The following KIAA1549 variants were observed in gnomAD, a reference collection of about 807,000 sequenced individuals.
KIAA1549 encodes UPF0606 protein KIAA1549.
A neutral mutation model predicts 156.4 loss-of-function variants in KIAA1549; 70 were observed. The observed-to-expected ratio is 0.45, with a 90% confidence interval of 0.37 to 0.55. The LOEUF is 0.55. Among genes scored for constraint, KIAA1549 ranks in the 20% least tolerant of loss-of-function variants. The probability of loss-of-function intolerance (pLI) is 0.00; values close to 1 mark genes in which losing one functional copy is unlikely to be tolerated. For missense variants in KIAA1549, 2,428 were observed against 2,540.9 expected (o/e 0.96, Z 0.96); for synonymous variants, 1,103 against 1,066.4 (o/e 1.03, Z -0.67).
chr7:138,906,783 G>C (rs1193432634), intron 6 of KIAA1549, 136 bp downstream of exon 6: 2 of 620,186 alleles, frequency 3.2e-6, no homozygotes, highest in Non-Finnish European at 5.2e-6. Flanking sequence ...AATACCACCT[G>C]TACCCCAACG....
At chr7:138,919,675 T>A (rs1302930635) in intron 1 of KIAA1549, among the ~76,000 whole-genome samples, 1 of 152,118 alleles carries the variant, frequency 6.6e-6, no homozygotes, top group East Asian at 1.9e-4. Flanking sequence ...GCTGTGTATG[T>A]GTGGGGGTGG....
At chr7:138,916,102 T>A (rs1443070188) in intron 2 of KIAA1549, among the ~76,000 whole-genome samples, 2 of 152,158 alleles carry the variant, frequency 1.3e-5, no homozygotes, top group Non-Finnish European at 2.9e-5. Context: ...AAGGAGCATT[T>A]ACAGGGACCT....
chr7:138,846,090 T>C (rs1213955326), intron 17 of KIAA1549, among the ~76,000 whole-genome samples: 1 of 152,242 alleles, frequency 6.6e-6, no homozygotes, highest in African/African-American at 2.4e-5. Flanking sequence ...CCAGGTTTAA[T>C]AAGATTTATG....
intron 1 of KIAA1549, among the ~76,000 whole-genome samples, chr7:138,960,808 G>C (rs747921561): frequency 6.6e-5 from 10 of 152,138 alleles, no homozygotes; most frequent in Non-Finnish European, 1.3e-4. Flanking sequence ...TGCCCTGTAG[G>C]ACTAGAAACA....
At chr7:138,846,533 CAAAAAAAAAAAAA>C (rs1213246866) in intron 17 of KIAA1549, among the ~76,000 whole-genome samples, 4 of 60,010 alleles carry the variant, frequency 6.7e-5, no homozygotes, top group East Asian at 1.1e-3. Flanking sequence ...GACTCCATCT[CAAAAAAAAAAAAA>C]AAAAAAAAAA....
chr7:138,908,959 GC>G, intron 5 of KIAA1549, 31 bp downstream of exon 5: 1 of 1,612,256 alleles, frequency 6.2e-7, no homozygotes, highest in Non-Finnish European at 8.5e-7. Flanking sequence ...AAGGGCTAAA[GC>G]CTTCTGCTCT....
chr7:138,968,098 A>G (rs558281325), intron 1 of KIAA1549, among the ~76,000 whole-genome samples: 61 of 152,314 alleles, frequency 4.0e-4, no homozygotes, highest in Non-Finnish European at 7.8e-4. Flanking sequence ...ACAGAAAACC[A>G]AACACTGCAT....
At chr7:138,976,641 C>G (rs909875454) in intron 1 of KIAA1549, among the ~76,000 whole-genome samples, 8 of 152,090 alleles carry the variant, frequency 5.3e-5, no homozygotes, top group Admixed American at 3.3e-4. Context: ...TAGGAAAAAA[C>G]CATGGTATAT....
chr7:138,936,231 C>CA (rs1356464063), intron 1 of KIAA1549, among the ~76,000 whole-genome samples: 1 of 152,060 alleles, frequency 6.6e-6, no homozygotes, highest in Non-Finnish European at 1.5e-5. Context: ...GAAGACAGAA[C>CA]AAAAAGTCAA....
At position 138,831,828 on chromosome 7, in the gene KIAA1549, C is replaced by T. The variant is rs1809541192; in HGVS notation, c.*6078G>A. ...TTCCTATTAACGCTAGCCAGACTCC[C>T]TGCGTCCCAGAGATGCTCCGGAGGA... is the stretch of plus-strand genomic sequence containing the variant. On this transcript the variant is annotated 3_prime_UTR_variant, in exon 20 of 20. Transcript: ENST00000422774. 4.3e-6 allele frequency: 1 copy of T among 232,722 alleles called. No homozygotes were observed. The highest frequency in any genetic ancestry group is 5.6e-5 in the Admixed American group (1 of 17,782). 14.4% of individuals were successfully genotyped at this position (232,722 alleles called of 1,614,324 possible).
At chr7:138,935,952 A>G (rs1812998114) in intron 1 of KIAA1549, among the ~76,000 whole-genome samples, 1 of 152,196 alleles carries the variant, frequency 6.6e-6, no homozygotes, top group Non-Finnish European at 1.5e-5. Context: ...AGTTGGCCCA[A>G]GAGTGTGAGA....
In KIAA1549 at chr7:138,898,978, C is replaced by T. The variant is rs780205394; in HGVS notation, c.3824G>A (p.Arg1275Gln). 10 of 1,613,764 alleles carry T rather than the reference C, an allele frequency of 6.2e-6. No homozygotes were observed. Among genetic ancestry groups the T allele is most frequent in the South Asian group, 4.4e-5 (4 of 91,056 alleles). The change falls in exon 9 of 20, where the codon CGA (arginine) becomes CAA (glutamine). Residue 1275 changes from arginine (R) to glutamine (Q), a missense_variant. Coordinates refer to ENST00000422774, the MANE Select transcript of KIAA1549 (RefSeq NM_001164665.2). ...LQRAAIILGY[R>Q]IQGVIAQPVD... ...ACGCTGGGCAATGACACCTTGAATT[C>T]GGTAACCCAAGATGATGGCTGCTCT...
At chr7:138,888,972 C>G (rs895606644) in intron 10 of KIAA1549, among the ~76,000 whole-genome samples, 2 of 152,120 alleles carry the variant, frequency 1.3e-5, no homozygotes, top group African/African-American at 4.8e-5. Flanking sequence ...TGCTTTTACC[C>G]CAGCAGCACT....
intron 1 of KIAA1549, among the ~76,000 whole-genome samples, chr7:138,935,743 C>T (rs965383836): frequency 6.6e-6 from 1 of 152,144 alleles, no homozygotes; most frequent in African/African-American, 2.4e-5. Flanking sequence ...GTATTAATTC[C>T]AACAAACAGT....
chr7:138,895,753 T>C (rs1351334604), intron 9 of KIAA1549, among the ~76,000 whole-genome samples: 6 of 152,162 alleles, frequency 3.9e-5, no homozygotes, highest in South Asian at 2.1e-4. Context: ...ATGATCCTTA[T>C]GTTTTCCAAA....
At chr7:138,885,724 C>T (rs1193504807) in intron 10 of KIAA1549, among the ~76,000 whole-genome samples, 2 of 152,194 alleles carry the variant, frequency 1.3e-5, no homozygotes, top group African/African-American at 4.8e-5. Context: ...TCTGGTTTTT[C>T]TGTTAACATA....
intron 1 of KIAA1549, among the ~76,000 whole-genome samples, chr7:138,961,291 T>C (rs1813837910): frequency 1.3e-5 from 2 of 152,238 alleles, no homozygotes. Context: ...ATCTTGGCGT[T>C]CTTCTTTTGA....
At chr7:138,971,587 T>C (rs1814222305) in intron 1 of KIAA1549, among the ~76,000 whole-genome samples, 1 of 152,064 alleles carries the variant, frequency 6.6e-6, no homozygotes, top group Admixed American at 6.6e-5. Context: ...CACAGCACCC[T>C]TCATGCCGCA....
chr7:138,903,865 G>GTGCA (rs1811931126), intron 7 of KIAA1549, 129 bp from the exon 8 acceptor site: 11 of 674,186 alleles, frequency 1.6e-5, no homozygotes, highest in South Asian at 1.2e-4. Context: ...GCGCGCGCGC[G>GTGCA]CGCGCACATA....
Sources: gnomAD v4.1 joint callset for allele counts (sites outside exome capture counted in the v4.1 genomes callset) on GRCh38, gnomAD v4.1.1 for gene constraint, MANE v1.5 for transcripts, NCBI Gene and HGNC (gene_info 2026-07-23, HGNC 2026-07-21) for gene names.